DPYD: variants seen among roughly 807,000 people sequenced by gnomAD.
The protein encoded by DPYD is dihydropyrimidine dehydrogenase.
In DPYD, 109 loss-of-function variants were observed where a neutral mutation model predicts 116.2. The ratio of observed to expected loss-of-function variants is 0.94; its 90% confidence interval spans 0.80 to 1.10. DPYD has a LOEUF of 1.10. Among genes scored for constraint, DPYD ranks in the 50% least tolerant of loss-of-function variants. The pLI is 0.00. For synonymous variants in DPYD, 440 were observed against 432.0 expected (o/e 1.02, Z -0.23); for missense variants, 1,302 against 1,254.5 (o/e 1.04, Z -0.57).
chr1:97,711,317 C>G (rs1410716259), intron 5 of DPYD, among the ~76,000 whole-genome samples: 1 of 151,828 alleles, frequency 6.6e-6, no homozygotes, highest in Non-Finnish European at 1.5e-5. Flanking sequence ...AAATCATATG[C>G]TCAGGACACT....
intron 8 of DPYD, among the ~76,000 whole-genome samples, chr1:97,678,621 A>C (rs1045923445): frequency 6.6e-6 from 1 of 152,210 alleles, no homozygotes; most frequent in Non-Finnish European, 1.5e-5. Flanking sequence ...TACACTGTCT[A>C]TGGGACTTTC....
intron 4 of DPYD, among the ~76,000 whole-genome samples, chr1:97,732,930 G>T (rs898377754): frequency 2.0e-4 from 31 of 151,978 alleles, no homozygotes; most frequent in African/African-American, 7.5e-4. Flanking sequence ...AAAAAGCTAG[G>T]ATACTTTGAA....
intron 8 of DPYD, among the ~76,000 whole-genome samples, chr1:97,650,730 T>A (rs1485117980): frequency 1.3e-5 from 2 of 152,070 alleles, no homozygotes; most frequent in East Asian, 1.9e-4. Context: ...ATATAGATTA[T>A]TCCAAGTTTA....
intron 18 of DPYD, 80 bp from the exon 19 acceptor site, chr1:97,235,074 T>C (rs923557117): frequency 4.5e-6 from 7 of 1,553,722 alleles, no homozygotes; most frequent in Non-Finnish European, 8.9e-7. Flanking sequence ...ATTACTATGA[T>C]GTGATGACAG....
Position 97,651,306 on chromosome 1 carries a change from A to C in DPYD, c.850+27789T>G, listed in dbSNP as rs150056846. Among the ~76,000 whole-genome samples, 488 of 152,296 alleles carry C rather than the reference A, an allele frequency of 3.2e-3. 5 individuals are homozygous for C. Among genetic ancestry groups the C allele is most frequent in the Admixed American group, 8.3e-3 (127 of 15,298 alleles). ...GAACAGCATTAAAAATCCCCATGACAAAGTGTACTTGAACAAAAATACCCT... is the reference window on the plus strand; with the variant it reads ...GAACAGCATTAAAAATCCCCATGACCAAGTGTACTTGAACAAAAATACCCT... On this transcript the variant is annotated intron_variant, in intron 8 of 22. Transcript: ENST00000370192.
intron 13 of DPYD, among the ~76,000 whole-genome samples, chr1:97,479,658 C>A (rs1243712374): frequency 6.6e-6 from 1 of 151,950 alleles, no homozygotes; most frequent in African/African-American, 2.4e-5. Context: ...CAGACTTGCT[C>A]GAAGAAAGGT....
At chr1:97,653,079 C>A (rs1248045185) in intron 8 of DPYD, among the ~76,000 whole-genome samples, 1 of 152,140 alleles carries the variant, frequency 6.6e-6, no homozygotes, top group Non-Finnish European at 1.5e-5. Flanking sequence ...GGTCATTTAT[C>A]TATCTTCTCT....
chr1:97,339,808 A>C (rs985869035), intron 16 of DPYD, among the ~76,000 whole-genome samples: 3 of 152,204 alleles, frequency 2.0e-5, no homozygotes, highest in Admixed American at 6.5e-5. Context: ...CTTAAAATTT[A>C]TGTTTGTGTG....
chr1:97,885,109 T>C (rs971851736), intron 1 of DPYD, among the ~76,000 whole-genome samples: 2 of 152,026 alleles, frequency 1.3e-5, no homozygotes, highest in Non-Finnish European at 2.9e-5. Context: ...GTTCATGTAG[T>C]GGCCAAGTAA....
chr1:97,897,522 G>A (rs1400142780), intron 1 of DPYD, among the ~76,000 whole-genome samples: 1 of 151,770 alleles, frequency 6.6e-6, no homozygotes, highest in Non-Finnish European at 1.5e-5. Context: ...GAGGCCACTC[G>A]AAGTTGTTCC....
chr1:97,592,739 A>G (rs1323908134), intron 10 of DPYD, among the ~76,000 whole-genome samples: 1 of 152,232 alleles, frequency 6.6e-6, no homozygotes, highest in East Asian at 1.9e-4. Context: ...TTAAAAATAT[A>G]CATGACACCC....
intron 14 of DPYD, among the ~76,000 whole-genome samples, chr1:97,386,508 C>T (rs956815497): frequency 2.0e-5 from 3 of 152,088 alleles, no homozygotes; most frequent in African/African-American, 7.2e-5. Flanking sequence ...CATATTTAAA[C>T]TAATAAATAC....
intron 14 of DPYD, among the ~76,000 whole-genome samples, chr1:97,427,923 C>T (rs1327402428): frequency 6.6e-6 from 1 of 152,032 alleles, no homozygotes; most frequent in East Asian, 1.9e-4. Context: ...GGAATGATCT[C>T]ATATATTTTC....
At chr1:97,412,801 C>T (rs559620508) in intron 14 of DPYD, among the ~76,000 whole-genome samples, 7 of 152,128 alleles carry the variant, frequency 4.6e-5, no homozygotes, top group South Asian at 2.1e-4. Flanking sequence ...ATTTAAAAGA[C>T]AAATTCTGGT....
rs375372894 is a variant in DPYD at position 97,838,663 on chromosome 1, G to A, written c.151-10467C>T. Among the ~76,000 whole-genome samples, 16 of 151,376 alleles carry A rather than the reference G, an allele frequency of 1.1e-4. No individual in the cohort carries two copies. In the South Asian group the frequency reaches 3.3e-3, roughly 32 times the overall value. Reference sequence around the variant, plus strand: ...GATCGAGACCATCCTGGCTAACAAGGTGAAACCCCGTCTCTACTAAAAATA... The same window carrying A: ...GATCGAGACCATCCTGGCTAACAAGATGAAACCCCGTCTCTACTAAAAATA... On this transcript the variant is annotated intron_variant, in intron 2 of 22. Coordinates refer to ENST00000370192, the MANE Select transcript of DPYD (RefSeq NM_000110.4).
chr1:97,521,858 G>A (rs1474538893), intron 12 of DPYD, among the ~76,000 whole-genome samples: 6 of 152,146 alleles, frequency 3.9e-5, no homozygotes, highest in African/African-American at 1.4e-4. Flanking sequence ...CTAGCCATAT[G>A]CCGAAAACTG....
chr1:97,127,793 C>A (rs549696545), intron 20 of DPYD, among the ~76,000 whole-genome samples: 1 of 152,212 alleles, frequency 6.6e-6, no homozygotes, highest in Non-Finnish European at 1.5e-5. Flanking sequence ...TCTTACAGCT[C>A]CTGTATTGTT....
intron 7 of DPYD, among the ~76,000 whole-genome samples, chr1:97,686,672 A>G (rs1414791886): frequency 6.7e-6 from 1 of 149,202 alleles, no homozygotes; most frequent in Admixed American, 6.7e-5. Flanking sequence ...AAAGACTTAC[A>G]TATAAAACCC....
At chr1:97,595,725 T>A (rs2102261381) in intron 8 of DPYD, among the ~76,000 whole-genome samples, 1 of 151,988 alleles carries the variant, frequency 6.6e-6, no homozygotes, top group Non-Finnish European at 1.5e-5. Flanking sequence ...TAAATGTCTT[T>A]ACTGTATAAA....
Sources: gnomAD v4.1 joint callset for allele counts (sites outside exome capture counted in the v4.1 genomes callset) on GRCh38, gnomAD v4.1.1 for gene constraint, MANE v1.5 for transcripts, NCBI Gene and HGNC (gene_info 2026-07-23, HGNC 2026-07-21) for gene names.